Variants in NTRK3 observed in about 807,000 individuals in gnomAD.
The protein encoded by NTRK3 is neurotrophic receptor tyrosine kinase 3.
NTRK3 carries 24 observed loss-of-function variants against 91.7 expected under a neutral mutation model. The observed-to-expected ratio is 0.26, with a 90% CI of 0.19 to 0.37. NTRK3 has a LOEUF of 0.37. Ranked by LOEUF, NTRK3 falls within the 10% of genes least tolerant of loss-of-function variation. NTRK3 has a pLI of 1.00. For missense variants in NTRK3, 880 were observed against 1,068.9 expected (o/e 0.82, Z 2.46); for synonymous variants, 483 against 404.0 (o/e 1.20, Z -2.34).
chr15:88,088,360 C>T (rs1447388273), intron 13 of NTRK3, among the ~76,000 whole-genome samples: 1 of 152,132 alleles, frequency 6.6e-6, no homozygotes. Flanking sequence ...ACTTCAGAGG[C>T]ATGAGATGTT....
chr15:88,141,744 G>A (rs2042406216), intron 6 of NTRK3, among the ~76,000 whole-genome samples: 2 of 152,218 alleles, frequency 1.3e-5, no homozygotes, highest in Non-Finnish European at 2.9e-5. Context: ...GCCCCCCAAA[G>A]GCAGACAGCA....
In NTRK3 at chr15:87,915,153, G is replaced by A. The variant is rs537970998; in HGVS notation, c.2133+14038C>T. 2.0e-5 allele frequency among the ~76,000 whole-genome samples: 3 copies of A among 152,260 alleles called. No homozygotes were observed. The East Asian group carries it at 5.8e-4, about 29-fold the overall frequency. Reference sequence around the variant, plus strand: ...AAAACCACCAGCACTCAAACCAACAGTTTACAAAGAACTTGCACATCCATT... The same window carrying A: ...AAAACCACCAGCACTCAAACCAACAATTTACAAAGAACTTGCACATCCATT... On this transcript the variant is annotated intron_variant, in intron 17 of 18. Transcript: ENST00000394480.
At chr15:87,873,866 A>T (rs929261889) in exon 19 of NTRK3, 5 of 231,184 alleles carry the variant, frequency 2.2e-5, no homozygotes, top group Non-Finnish European at 4.3e-5. Context: ...GGAGTGTCTT[A>T]TTGGAACTCA....
At chr15:88,047,921 CCA>C (rs1271131616) in intron 13 of NTRK3, among the ~76,000 whole-genome samples, 1 of 152,142 alleles carries the variant, frequency 6.6e-6, no homozygotes, top group Non-Finnish European at 1.5e-5. Context: ...GTTTTGAACT[CCA>C]GACACTAGTG....
At chr15:88,095,306 C>T (rs1250733181) in intron 13 of NTRK3, among the ~76,000 whole-genome samples, 1 of 152,218 alleles carries the variant, frequency 6.6e-6, no homozygotes, top group Non-Finnish European at 1.5e-5. Flanking sequence ...TCTATTCTCA[C>T]CAAGAGATAT....
At position 88,233,168 on chromosome 15, in the gene NTRK3, A is replaced by C. The variant is rs1262536200; in HGVS notation, c.248+22738T>G. 6.6e-6 allele frequency among the ~76,000 whole-genome samples: 1 copy of C among 152,188 alleles called. No homozygotes were observed. The highest frequency in any genetic ancestry group is 1.5e-5 in the Non-Finnish European group (1 of 68,034). ...GCCACCCCAGGCTATTTTCCTCTGG[A>C]GCTAAAGCCTGAATAAGCAAAAAGA... is the stretch of plus-strand genomic sequence containing the variant. On this transcript the variant is annotated intron_variant, in intron 3 of 18. Transcript: ENST00000394480. The surrounding 1 kb of genome is among the most constrained non-coding windows in gnomAD (Gnocchi z 4.2).
At chr15:87,956,880 C>T (rs1174952894) in intron 14 of NTRK3, among the ~76,000 whole-genome samples, 11 of 152,162 alleles carry the variant, frequency 7.2e-5, no homozygotes, top group Admixed American at 6.5e-4. Flanking sequence ...TTTTTTAGGG[C>T]AGGGGTGGGG....
At chr15:87,932,941 T>G in intron 16 of NTRK3, 71 bp downstream of exon 16, 2 of 1,524,714 alleles carry the variant, frequency 1.3e-6, no homozygotes, top group Non-Finnish European at 1.8e-6. Flanking sequence ...GTATAATTTC[T>G]GGCTCCAGGG....
At chr15:87,904,819 A>T (rs538505233) in intron 17 of NTRK3, among the ~76,000 whole-genome samples, 1 of 152,338 alleles carries the variant, frequency 6.6e-6, no homozygotes, top group South Asian at 2.1e-4. Flanking sequence ...CAGAGCACAC[A>T]TATGCAGAAG....
chr15:88,128,589 G>C, intron 11 of NTRK3, 122 bp downstream of exon 11: 1 of 1,026,540 alleles, frequency 9.7e-7, no homozygotes, highest in South Asian at 1.3e-5. Context: ...AGTTCACTCA[G>C]ATGCCCTCAG....
At chr15:88,106,887 C>A (rs950005688) in intron 13 of NTRK3, among the ~76,000 whole-genome samples, 1 of 150,784 alleles carries the variant, frequency 6.6e-6, no homozygotes, top group African/African-American at 2.4e-5. Flanking sequence ...GAGCTGAGAT[C>A]GCACCACTGC....
chr15:87,974,595 T>C (rs902751180), intron 14 of NTRK3, among the ~76,000 whole-genome samples: 7 of 152,110 alleles, frequency 4.6e-5, no homozygotes, highest in Admixed American at 3.9e-4. Context: ...AAGGATCAGG[T>C]TGGTCTCATC....
At chr15:87,868,910 C>T (rs1396587747) in exon 19 of NTRK3, 1 of 226,646 alleles carries the variant, frequency 4.4e-6, no homozygotes, top group African/African-American at 2.2e-5. Flanking sequence ...CCTTCAGAAT[C>T]CGTCTGTCCG....
At chr15:88,081,019 G>A (rs2047993856) in intron 13 of NTRK3, among the ~76,000 whole-genome samples, 1 of 152,266 alleles carries the variant, frequency 6.6e-6, no homozygotes, top group African/African-American at 2.4e-5. Context: ...TAAGCGGAGA[G>A]AGGCTGGGAT....
intron 13 of NTRK3, among the ~76,000 whole-genome samples, chr15:88,088,133 A>G (rs2048676489): frequency 6.6e-6 from 1 of 152,210 alleles, no homozygotes; most frequent in East Asian, 1.9e-4. Flanking sequence ...TGTCAGTGCC[A>G]AGCTGTGAGA....
At chr15:88,174,565 G>A (rs1459429276) in intron 5 of NTRK3, among the ~76,000 whole-genome samples, 2 of 152,140 alleles carry the variant, frequency 1.3e-5, no homozygotes, top group East Asian at 1.9e-4. Flanking sequence ...CTGTTCCCTT[G>A]GCAATTTTTT....
At chr15:87,955,990 AT>A in intron 14 of NTRK3, among the ~76,000 whole-genome samples, 1 of 152,180 alleles carries the variant, frequency 6.6e-6, no homozygotes, top group East Asian at 1.9e-4. Flanking sequence ...CACCCAGGAA[AT>A]TTGAATACAT....
chr15:87,862,167 C>CT (rs575841582), exon 19 of NTRK3: 186 of 220,382 alleles, frequency 8.4e-4, no homozygotes, highest in African/African-American at 3.4e-3. Flanking sequence ...GTGCCATGGC[C>CT]TTTTTTGCAG....
intron 14 of NTRK3, among the ~76,000 whole-genome samples, chr15:87,945,633 A>G (rs1159454604): frequency 2.0e-5 from 3 of 151,078 alleles, no homozygotes; most frequent in Non-Finnish European, 4.4e-5. Flanking sequence ...GAGCCGCTGG[A>G]TACACTGACA....
Sources: allele counts gnomAD v4.1 joint callset (sites outside exome capture counted in the v4.1 genomes callset), GRCh38; gene constraint gnomAD v4.1.1; non-coding constraint Gnocchi (gnomAD v3.1); transcripts MANE v1.5; gene names NCBI Gene and HGNC (gene_info 2026-07-23, HGNC 2026-07-21).